Variants in DPAGT1 observed in about 807,000 individuals in gnomAD.
DPAGT1 encodes the protein UDP-N-acetylglucosamine--dolichyl-phosphate N-acetylglucosaminephosphotransferase.
Under a neutral mutation model 39.3 loss-of-function variants are expected in DPAGT1, and 25 were observed. That is an observed-to-expected ratio of 0.64 (90% confidence interval 0.46 to 0.89). DPAGT1 has a LOEUF of 0.89. DPAGT1 is among the 40% of genes least tolerant of loss of function. The pLI is 0.00. For synonymous variants in DPAGT1, 193 were observed against 201.4 expected (o/e 0.96, Z 0.36); for missense variants, 381 against 500.6 (o/e 0.76, Z 2.28).
chr11:119,095,808 T>A (rs1946383329), downstream of DPAGT1, among the ~76,000 whole-genome samples: 1 of 152,036 alleles, frequency 6.6e-6, no homozygotes, highest in South Asian at 2.1e-4. Context: ...GGGAAATCTG[T>A]GCCGGCGTAG....
In DPAGT1 at chr11:119,098,018, C is replaced by T; in HGVS notation, c.754G>A (p.Asp252Asn). The T allele has an allele frequency of 6.2e-7, 1 of 1,614,222 alleles. No homozygotes were observed. The highest frequency in any genetic ancestry group is 8.5e-7 in the Non-Finnish European group (1 of 1,180,036). The change falls in exon 6 of 9, where the codon GAT (aspartate) becomes AAT (asparagine). Residue 252 changes from aspartate (D) to asparagine (N), a missense_variant. Asp to Asn is a conservative substitution (Grantham distance 23). Coordinates refer to ENST00000354202, the MANE Select transcript of DPAGT1 (RefSeq NM_001382.4). ...NWYPSRVFVG[D>N]TFCYFAGMTF... is the part of the protein sequence containing the mutation. ...ATGCCAGCAAAGTAACAGAAGGTAT[C>T]TCCCACAAACACCCGTGATGGGTAC...
chr11:119,095,586 C>T (rs892330823), downstream of DPAGT1: 4 of 582,010 alleles, frequency 6.9e-6, no homozygotes, highest in Admixed American at 1.1e-4. Flanking sequence ...TTGGGTGTCG[C>T]GGCTCGGCTG....
In DPAGT1 at chr11:119,100,703, G is replaced by T; in HGVS notation, c.423C>A (p.Phe141Leu). The change falls in exon 3 of 9, where the codon TTC becomes TTA. Residue 141 changes from phenylalanine (F) to leucine (L), a missense_variant. Phe to Leu is a conservative substitution (Grantham distance 22). Coordinates refer to ENST00000354202, the MANE Select transcript of DPAGT1 (RefSeq NM_001382.4). ...AASLPLLMVY[F>L]TNFGNTTIVV... Reference sequence around the variant, plus strand: ...CAATGGTCGTGTTGCCAAAGTTGGTGAAATAGACCATGAGGAGAGGTAGTG... The same window carrying T: ...CAATGGTCGTGTTGCCAAAGTTGGTTAAATAGACCATGAGGAGAGGTAGTG... 1 of 1,614,176 alleles carries T rather than the reference G, an allele frequency of 6.2e-7. No individual in the cohort carries two copies.
intron 1 of DPAGT1, 63 bp from the exon 2 acceptor site, chr11:119,101,201 C>A (rs1480212331): frequency 6.2e-7 from 1 of 1,608,070 alleles, no homozygotes; most frequent in Non-Finnish European, 8.5e-7. Context: ...CTCACTAGTG[C>A]AGGTGTTACA....
rs761968377 is a variant in DPAGT1 at position 119,100,784 on chromosome 11, C to T, written c.342G>A (p.Ala114=). ...GCCAGCGCAGATTCAGTACATCATC[C>T]GCAAAGCCCAGGAAGATCATGCAGC... ...AICCMIFLGF[A]DDVLNLRWRH... is the part of the protein sequence containing the mutation. Residue 114 remains alanine, a synonymous_variant, in exon 3 of 9, where the codon GCG becomes GCA. Transcript: ENST00000354202. 5 of 1,614,064 alleles carry T rather than the reference C, an allele frequency of 3.1e-6. No homozygotes were observed. Among genetic ancestry groups the T allele is most frequent in the South Asian group, 2.2e-5 (2 of 91,082 alleles).
Position 119,097,294 on chromosome 11 carries a change from C to A in DPAGT1, c.1009G>T (p.Ala337Ser). 1 of 1,614,190 alleles carries A rather than the reference C, an allele frequency of 6.2e-7. No individual in the cohort carries two copies. Among genetic ancestry groups the A allele is most frequent in the Non-Finnish European group, 8.5e-7 (1 of 1,180,038 alleles). ...SFLGTFILKV[A>S]ESLQLVTVHQ... Reference sequence around the variant, plus strand: ...ACTGTCACCAGCTGGAGGCTCTCTGCCACCTGGAGGGACCAGAGGTGAAGA... The same window carrying A: ...ACTGTCACCAGCTGGAGGCTCTCTGACACCTGGAGGGACCAGAGGTGAAGA... Residue 337 changes from alanine (A) to serine (S), a missense_variant, in exon 8 of 9, where the codon GCA becomes TCA. By Grantham distance (99) the Ala-to-Ser change is moderately conservative. Coordinates refer to ENST00000354202, the MANE Select transcript of DPAGT1 (RefSeq NM_001382.4). The surrounding 1 kb of genome is among the most constrained non-coding windows in gnomAD (Gnocchi z 4.6).
chr11:119,096,284 T>G (rs1213400630), downstream of DPAGT1, among the ~76,000 whole-genome samples: 1 of 152,208 alleles, frequency 6.6e-6, no homozygotes, highest in African/African-American at 2.4e-5. Flanking sequence ...TTTGTTCCCA[T>G]GCCAGGAAAC....
intron 1 of DPAGT1, 26 bp downstream of exon 1, chr11:119,101,469 G>A: frequency 1.9e-6 from 3 of 1,613,900 alleles, no homozygotes; most frequent in Non-Finnish European, 2.5e-6. Context: ...CTTGCCCCCT[G>A]CCCGGACCCG....
In DPAGT1 at chr11:119,101,414, A is replaced by T. The variant is rs958788677; in HGVS notation, c.161+81T>A. On this transcript the variant is annotated intron_variant, in intron 1 of 8. Transcript: ENST00000354202. Reference sequence around the variant, plus strand: ...AGTTCTGAGTCTTCACGTGTGGTCAAGCACCCCGGTTCCCGCCCCTGCCCT... The same window carrying T: ...AGTTCTGAGTCTTCACGTGTGGTCATGCACCCCGGTTCCCGCCCCTGCCCT... 20 of 1,609,904 alleles carry T rather than the reference A, an allele frequency of 1.2e-5. No individual in the cohort carries two copies. The African/African-American group carries it at 2.3e-4, about 18-fold the overall frequency.
In DPAGT1 at chr11:119,096,685, T is replaced by G. The variant is rs1946400677; in HGVS notation, c.*313A>C. 1 of 456,858 alleles carries G rather than the reference T, an allele frequency of 2.2e-6. No individual in the cohort carries two copies. Among genetic ancestry groups the G allele is most frequent in the South Asian group, 2.2e-5 (1 of 45,402 alleles). 28.3% of individuals were successfully genotyped at this position (456,858 alleles called of 1,614,324 possible). ...AGTGGTTCCTTGAGAGTCAGGACTC[T>G]GAAATGTGAGTGTGGATAACTGCAA... is the stretch of plus-strand genomic sequence containing the variant. On this transcript the variant is annotated 3_prime_UTR_variant, in exon 9 of 9. Coordinates refer to ENST00000354202, the MANE Select transcript of DPAGT1 (RefSeq NM_001382.4).
chr11:119,094,279 G>GGGA (rs1946354279), downstream of DPAGT1: 1 of 152,454 alleles, frequency 6.6e-6, no homozygotes, highest in Admixed American at 6.5e-5. Context: ...TGAAGATGGA[G>GGGA]GGAGAGCTGA....
intron 5 of DPAGT1, 174 bp from the exon 6 acceptor site, chr11:119,098,217 C>G: frequency 1.9e-6 from 2 of 1,079,166 alleles, no homozygotes; most frequent in South Asian, 2.6e-5. Context: ...ATTCCTGGGG[C>G]CTCCACGCAC....
chr11:119,095,553 C>A, downstream of DPAGT1: 1 of 802,628 alleles, frequency 1.2e-6, no homozygotes, highest in Non-Finnish European at 1.8e-6. Flanking sequence ...CAATACCCGC[C>A]TCCGGTTGGT....
downstream of DPAGT1, chr11:119,095,420 C>G (rs1472345552): frequency 2.0e-6 from 3 of 1,494,622 alleles, no homozygotes; most frequent in African/African-American, 4.2e-5. Flanking sequence ...CGGTGAAGCA[C>G]GACGGCTCAA....
intron 4 of DPAGT1, 57 bp downstream of exon 4, chr11:119,100,205 A>G (rs898521684): frequency 2.2e-5 from 36 of 1,612,634 alleles, no homozygotes; most frequent in Non-Finnish European, 1.0e-5. Context: ...AAAGTCATAT[A>G]TCAGGCCACA....
chr11:119,095,843 A>G (rs1046223846), downstream of DPAGT1, among the ~76,000 whole-genome samples: 18 of 152,166 alleles, frequency 1.2e-4, no homozygotes, highest in Admixed American at 2.6e-4. Context: ...AGGGGTCAAT[A>G]TTATAGCTAC....
chr11:119,095,032 G>T (rs1403422470), downstream of DPAGT1: 1 of 1,613,534 alleles, frequency 6.2e-7, no homozygotes, highest in Admixed American at 1.7e-5. Context: ...CGGTGGCGCT[G>T]GTCTTCTTGG....
Position 119,097,389 on chromosome 11 carries a change from G to A in DPAGT1, c.1005+75C>T, listed in dbSNP as rs1946416951. 3.1e-6 allele frequency: 5 copies of A among 1,611,644 alleles called. No individual in the cohort carries two copies. The South Asian group carries it at 4.4e-5, about 14-fold the overall frequency. On this transcript the variant is annotated intron_variant, in intron 7 of 8. Transcript: ENST00000354202. The surrounding 1 kb of genome is among the most constrained non-coding windows in gnomAD (Gnocchi z 4.6). Reference sequence around the variant, plus strand: ...ATGCTTTCAAGTTCCCCTTGGATCTGATGTAGGACTAGGTTCCCCATTCCT... The same window carrying A: ...ATGCTTTCAAGTTCCCCTTGGATCTAATGTAGGACTAGGTTCCCCATTCCT...
downstream of DPAGT1, chr11:119,095,358 C>T (rs745599769): frequency 6.3e-7 from 1 of 1,586,662 alleles, no homozygotes; most frequent in Non-Finnish European, 8.6e-7. Context: ...TTGGCCTTGG[C>T]GCGGGCCTTG....
Sources: allele counts gnomAD v4.1 joint callset (sites outside exome capture counted in the v4.1 genomes callset), GRCh38; gene constraint gnomAD v4.1.1; non-coding constraint Gnocchi (gnomAD v3.1); transcripts MANE v1.5; gene names NCBI Gene and HGNC (gene_info 2026-07-23, HGNC 2026-07-21).